The following ANK3 variants were observed in gnomAD, a reference collection of about 807,000 sequenced individuals.
The protein encoded by ANK3 is ankyrin 3.
In ANK3, 57 loss-of-function variants were observed where a neutral mutation model predicts 370.9. The observed-to-expected ratio is 0.15, with a 90% CI of 0.12 to 0.19. The LOEUF (loss-of-function observed/expected upper bound fraction) is 0.19. Ranked by LOEUF, ANK3 falls within the 10% of genes least tolerant of loss-of-function variation. ANK3 has a pLI of 1.00. For missense variants in ANK3, 4,439 were observed against 5,302.1 expected, an observed-to-expected ratio of 0.84 and a Z score of 5.06; for synonymous variants, 1,929 against 1,946.3, an observed-to-expected ratio of 0.99 and a Z score of 0.23.
intron 8 of ANK3, among the ~76,000 whole-genome samples, chr10:60,216,956 T>C (rs2096948505): frequency 6.6e-6 from 1 of 152,170 alleles, no homozygotes; most frequent in Non-Finnish European, 1.5e-5. Context: ...TCGTTATTGG[T>C]CTATTCAGGG....
chr10:60,161,281 G>A (rs2095493708), intron 23 of ANK3, among the ~76,000 whole-genome samples: 1 of 152,078 alleles, frequency 6.6e-6, no homozygotes, highest in Admixed American at 6.6e-5. Flanking sequence ...ATGCTATGGG[G>A]TAGAAATGTA....
chr10:60,595,863 G>C (rs1467667824), intron 2 of ANK3, among the ~76,000 whole-genome samples: 2 of 152,120 alleles, frequency 1.3e-5, no homozygotes, highest in Non-Finnish European at 2.9e-5. Context: ...TCCTATGTCA[G>C]ATTTTTCTCA....
At chr10:60,445,648 A>C (rs2064426116) in intron 2 of ANK3, among the ~76,000 whole-genome samples, 1 of 152,128 alleles carries the variant, frequency 6.6e-6, no homozygotes, top group South Asian at 2.1e-4. Context: ...CAGCCAACAA[A>C]ATTCCCTAAA....
At chr10:60,578,667 C>T (rs946042290) in intron 2 of ANK3, among the ~76,000 whole-genome samples, 1 of 152,028 alleles carries the variant, frequency 6.6e-6, no homozygotes, top group Non-Finnish European at 1.5e-5. Context: ...GTGGAAAAGT[C>T]GTACAAAAGA....
chr10:60,045,915 C>A (rs1310383259), intron 42 of ANK3, among the ~76,000 whole-genome samples: 1 of 75,768 alleles, frequency 1.3e-5, no homozygotes, highest in Non-Finnish European at 3.4e-5. Context: ...GTTTTGTTCT[C>A]ATTTTTTTTT....
intron 42 of ANK3, chr10:60,043,698 G>A: frequency 1.0e-6 from 1 of 985,398 alleles, no homozygotes; most frequent in Non-Finnish European, 1.2e-6. Flanking sequence ...TGTGCTTTTG[G>A]AGTGCTCTCC....
At chr10:60,063,396 G>T (rs1437200789) in intron 39 of ANK3, 142 bp from the exon 40 acceptor site, 4 of 760,108 alleles carry the variant, frequency 5.3e-6, no homozygotes, top group Non-Finnish European at 8.0e-6. Context: ...TCCCTATCCA[G>T]AGGACTCAGA....
At chr10:60,693,396 C>T (rs1345422114) in intron 1 of ANK3, among the ~76,000 whole-genome samples, 1 of 152,232 alleles carries the variant, frequency 6.6e-6, no homozygotes, top group African/African-American at 2.4e-5. Flanking sequence ...GTGGAGCCCA[C>T]CACAGCTCAA....
In ANK3 at chr10:60,081,550, T is replaced by G. The variant is rs544159139; in HGVS notation, c.4350+600A>C. The G allele has an allele frequency of 1.2e-4, 51 of 436,230 alleles. 2 individuals carry two copies. The highest frequency in any genetic ancestry group is 7.7e-4 in the South Asian group (47 of 61,268). The allele number at this position is 436,230 out of a possible 1,614,324, so 27.0% of individuals were successfully genotyped here. On this transcript the variant is annotated intron_variant, in intron 35 of 43. Transcript: ENST00000280772. ...AAAAAAATGGTCAAGATAAATTTCT[T>G]TAGTGAGAGTATCAAAGATTTATCA...
intron 1 of ANK3, among the ~76,000 whole-genome samples, chr10:60,730,382 T>A (rs757545735): frequency 4.6e-4 from 70 of 152,148 alleles, no homozygotes; most frequent in Middle Eastern, 3.2e-3. Flanking sequence ...GGTCTCGAAC[T>A]CCTGGGCTCA....
intron 2 of ANK3, among the ~76,000 whole-genome samples, chr10:60,475,482 T>C (rs78606037): frequency 0.024 from 3,626 of 152,280 alleles, 151 homozygotes; most frequent in African/African-American, 0.083. Flanking sequence ...GAGCGGACAA[T>C]AGAAGTCTGA....
At chr10:60,237,827 T>C (rs565332505) in intron 7 of ANK3, among the ~76,000 whole-genome samples, 1 of 152,188 alleles carries the variant, frequency 6.6e-6, no homozygotes, top group Non-Finnish European at 1.5e-5. Context: ...AATTTCATTT[T>C]ACCCTCACAG....
At chr10:60,403,287 A>G (rs534686592) in intron 2 of ANK3, among the ~76,000 whole-genome samples, 2 of 152,286 alleles carry the variant, frequency 1.3e-5, no homozygotes, top group East Asian at 1.9e-4. Context: ...GGAAAAATCA[A>G]TATCACACCA....
At chr10:60,249,330 T>C (rs543341552) in intron 7 of ANK3, among the ~76,000 whole-genome samples, 1 of 152,210 alleles carries the variant, frequency 6.6e-6, no homozygotes, top group African/African-American at 2.4e-5. Context: ...TAACTTCAAT[T>C]AAAAAGTCCA....
chr10:60,262,108 T>G, intron 6 of ANK3, 151 bp from the exon 7 acceptor site: 1 of 640,230 alleles, frequency 1.6e-6, no homozygotes, highest in Non-Finnish European at 2.7e-6. Context: ...CAGTGCCAAT[T>G]GCTCACAGGG....
chr10:60,624,722 T>TAAAA (rs397947661), intron 1 of ANK3, among the ~76,000 whole-genome samples: 13 of 126,968 alleles, frequency 1.0e-4, no homozygotes, highest in African/African-American at 3.5e-4. Context: ...ATAGTGGCTT[T>TAAAA]AAAAAAAAAA....
intron 1 of ANK3, among the ~76,000 whole-genome samples, chr10:60,333,557 C>T (rs775548796): frequency 2.5e-4 from 38 of 152,248 alleles, no homozygotes; most frequent in Non-Finnish European, 4.6e-4. Flanking sequence ...CATTGATGGG[C>T]ATTTGGGTTG....
At chr10:60,695,865 T>C (rs1188783855) in intron 1 of ANK3, among the ~76,000 whole-genome samples, 1 of 151,470 alleles carries the variant, frequency 6.6e-6, no homozygotes, top group East Asian at 1.9e-4. Context: ...AGCAAACACA[T>C]TCAAAAGCTA....
intron 2 of ANK3, among the ~76,000 whole-genome samples, chr10:60,548,829 C>A (rs1304107397): frequency 6.6e-6 from 1 of 152,036 alleles, no homozygotes. Context: ...ATGAGGTAGA[C>A]AAGACATCAT....
Sources: gnomAD v4.1 joint callset for allele counts (sites outside exome capture counted in the v4.1 genomes callset) on GRCh38, gnomAD v4.1.1 for gene constraint, MANE v1.5 for transcripts, NCBI Gene and HGNC (gene_info 2026-07-23, HGNC 2026-07-21) for gene names.